The following CD96 variants were observed in gnomAD, a reference collection of about 807,000 sequenced individuals.
CD96 encodes the protein T-cell surface protein tactile.
Under a neutral mutation model 71.3 loss-of-function variants are expected in CD96, and 70 were observed. The observed-to-expected ratio is 0.98, with a 90% CI of 0.81 to 1.20. The LOEUF (loss-of-function observed/expected upper bound fraction) is 1.20, where lower values mean the gene tolerates loss of function less well. Ranked by LOEUF, CD96 falls within the 50% of genes most tolerant of loss-of-function variation. The pLI is 0.00. For synonymous variants in CD96, 248 were observed against 233.0 expected, an observed-to-expected ratio of 1.06 and a Z score of -0.59; for missense variants, 742 against 677.5, an observed-to-expected ratio of 1.10 and a Z score of -1.06.
At chr3:111,626,552 C>A (rs937535570) in intron 10 of CD96, among the ~76,000 whole-genome samples, 1 of 152,072 alleles carries the variant, frequency 6.6e-6, no homozygotes, top group Non-Finnish European at 1.5e-5. Flanking sequence ...TATGTGCATA[C>A]CTACAATCCA....
At chr3:111,658,655 T>TATC (rs1559784390) in intron 14 of CD96, among the ~76,000 whole-genome samples, 1 of 152,194 alleles carries the variant, frequency 6.6e-6, no homozygotes, top group African/African-American at 2.4e-5. Context: ...TCAAAATTAA[T>TATC]ATCATCAGTG....
intron 3 of CD96, among the ~76,000 whole-genome samples, chr3:111,568,409 A>T (rs1182165809): frequency 1.3e-5 from 2 of 152,244 alleles, no homozygotes; most frequent in African/African-American, 4.8e-5. Context: ...TTATAAATTT[A>T]AAAAATTTCA....
Position 111,647,570 on chromosome 3 carries a change from G to T in CD96, c.1505G>T (p.Gly502Val). 1 of 1,612,192 alleles carries T rather than the reference G, an allele frequency of 6.2e-7. No individual in the cohort carries two copies. The highest frequency in any genetic ancestry group is 8.5e-7 in the Non-Finnish European group (1 of 1,178,382). The change falls in exon 13 of 14, where the codon GGA becomes GTA. Residue 502 changes from glycine to valine, a missense_variant. By Grantham distance (109) the Gly-to-Val change is moderately radical. Coordinates refer to ENST00000352690, the MANE Select transcript of CD96 (RefSeq NM_005816.5). ...ATTGTGGTCAATAAGCCCAAAGATG[G>T]AATGTCCTGGCCAGTGATTGTAGCA... ...TGIVVNKPKD[G>V]MSWPVIVAAL...
intron 10 of CD96, among the ~76,000 whole-genome samples, chr3:111,636,905 A>G (rs1939356900): frequency 6.6e-6 from 1 of 152,044 alleles, no homozygotes; most frequent in Non-Finnish European, 1.5e-5. Context: ...TGGAATGAGC[A>G]TGACACACTC....
chr3:111,562,764 T>G (rs752386430), intron 2 of CD96, among the ~76,000 whole-genome samples: 6 of 152,248 alleles, frequency 3.9e-5, no homozygotes, highest in Non-Finnish European at 7.3e-5. Flanking sequence ...TGCTACGCTC[T>G]TTTGGGTCTC....
intron 12 of CD96, among the ~76,000 whole-genome samples, chr3:111,642,788 C>A (rs1057184635): frequency 6.6e-6 from 1 of 151,594 alleles, no homozygotes. Context: ...GCCTGGGTGA[C>A]AAACTGAGAC....
intron 2 of CD96, among the ~76,000 whole-genome samples, chr3:111,550,524 T>C (rs1254623269): frequency 6.6e-6 from 1 of 151,520 alleles, no homozygotes; most frequent in Non-Finnish European, 1.5e-5. Context: ...GATAAAATAA[T>C]AAACCAAGGT....
intron 9 of CD96, 124 bp downstream of exon 9, chr3:111,623,946 A>G (rs1459068931): frequency 2.7e-6 from 2 of 753,460 alleles, no homozygotes; most frequent in African/African-American, 1.7e-5. Context: ...GTTTGTTAAT[A>G]TCTTGGTTTT....
At chr3:111,594,539 T>C (rs1296020323) in intron 5 of CD96, 3 of 243,726 alleles carry the variant, frequency 1.2e-5, no homozygotes, top group Admixed American at 5.3e-5. Context: ...CAAAGCTCTT[T>C]GATGAACTCA....
In CD96 at chr3:111,647,558, A is replaced by C. The variant is rs1211384721; in HGVS notation, c.1493A>C (p.Lys498Thr). The change falls in exon 13 of 14, where the codon AAG becomes ACG. Residue 498 changes from lysine to threonine, a missense_variant. Lys to Thr is a moderately conservative substitution (Grantham distance 78). Coordinates refer to ENST00000352690, the MANE Select transcript of CD96 (RefSeq NM_005816.5). ...CCCTTTTCAGGTATTGTGGTCAATA[A>C]GCCCAAAGATGGAATGTCCTGGCCA... ...HVHITGIVVN[K>T]PKDGMSWPVI... The C allele has an allele frequency of 6.2e-7, 1 of 1,612,456 alleles. No individual in the cohort carries two copies.
chr3:111,549,754 A>G (rs1934601040), intron 2 of CD96, among the ~76,000 whole-genome samples: 1 of 152,170 alleles, frequency 6.6e-6, no homozygotes, highest in African/African-American at 2.4e-5. Flanking sequence ...ACACAGAAAA[A>G]ATAGGGGAAC....
chr3:111,648,119 G>T (rs1287879727), intron 13 of CD96, among the ~76,000 whole-genome samples: 1 of 152,064 alleles, frequency 6.6e-6, no homozygotes, highest in African/African-American at 2.4e-5. Context: ...GGCTTTTACT[G>T]CCCTTTTCTT....
rs886057780 is a variant in CD96, at chr3:111,651,243, A to G, written c.*1437A>G. ...TAACTCTTGTGGTGGCCAGCCTCCA[A>G]GATGAGCCCCAGTGTTCTTGCCTCC... On this transcript the variant is annotated 3_prime_UTR_variant, in exon 14 of 14. Transcript: ENST00000352690. 5 of 152,274 alleles carry G rather than the reference A, an allele frequency of 3.3e-5. No individual in the cohort carries two copies. The highest frequency in any genetic ancestry group is 9.6e-5 in the African/African-American group (4 of 41,454). The allele number at this position is 152,274 out of a possible 1,614,324, so 9.4% of individuals were successfully genotyped here. A position where few individuals can be genotyped will look rare whatever the true frequency, so the allele number is the denominator to read the frequency against.
chr3:111,597,598 T>C (rs1468731462), intron 5 of CD96, among the ~76,000 whole-genome samples: 1 of 152,224 alleles, frequency 6.6e-6, no homozygotes, highest in African/African-American at 2.4e-5. Flanking sequence ...TGAATTGTTT[T>C]TAAAAATTAG....
At chr3:111,652,541 T>A (rs1252830097), downstream of CD96, among the ~76,000 whole-genome samples, 1 of 152,144 alleles carries the variant, frequency 6.6e-6, no homozygotes, top group Non-Finnish European at 1.5e-5. Flanking sequence ...ATGTAATTTA[T>A]CAATCTATCA....
chr3:111,663,893 TGCCTGCCACCACAC>T (rs1559786144), intron 14 of CD96, among the ~76,000 whole-genome samples: 1 of 151,968 alleles, frequency 6.6e-6, no homozygotes, highest in Admixed American at 6.6e-5. Flanking sequence ...AGACTACAGG[TGCCTGCCACCACAC>T]GCCCAGAAAT....
intron 2 of CD96, among the ~76,000 whole-genome samples, 196 bp downstream of exon 2, chr3:111,545,598 T>C (rs1317596133): frequency 3.3e-5 from 5 of 152,108 alleles, no homozygotes; most frequent in Non-Finnish European, 7.4e-5. Flanking sequence ...CAGTGATAAG[T>C]GTCGATAATA....
intron 14 of CD96, among the ~76,000 whole-genome samples, chr3:111,664,721 AT>A (rs1298896696): frequency 6.6e-5 from 10 of 152,240 alleles, no homozygotes; most frequent in Non-Finnish European, 1.5e-4. Flanking sequence ...TTTTTCAAAA[AT>A]GTCAATATAA....
chr3:111,644,087 A>G (rs191144685), intron 12 of CD96, among the ~76,000 whole-genome samples: 16 of 152,286 alleles, frequency 1.1e-4, no homozygotes, highest in African/African-American at 3.8e-4. Flanking sequence ...TTCCAACTAT[A>G]CTATAAAGCC....
Sources: allele counts gnomAD v4.1 joint callset (sites outside exome capture counted in the v4.1 genomes callset), GRCh38; gene constraint gnomAD v4.1.1; transcripts MANE v1.5; gene names NCBI Gene and HGNC (gene_info 2026-07-23, HGNC 2026-07-21).